The following WDHD1 variants were observed in gnomAD, a reference collection of about 807,000 sequenced individuals.
WDHD1 encodes the protein WD repeat and HMG-box DNA-binding protein 1.
In WDHD1, 111 loss-of-function variants were observed where a neutral mutation model predicts 135.4. The ratio of observed to expected loss-of-function variants is 0.82; its 90% CI spans 0.70 to 0.96. WDHD1 has a LOEUF of 0.96. Ranked by LOEUF, WDHD1 falls within the 40% of genes least tolerant of loss-of-function variation. The pLI is 0.00. For synonymous variants in WDHD1, 434 were observed against 439.0 expected (o/e 0.99, Z 0.14); for missense variants, 1,351 against 1,336.3 (o/e 1.01, Z -0.17).
At chr14:54,959,902 T>C (rs1158195036) in intron 21 of WDHD1, among the ~76,000 whole-genome samples, 2 of 152,214 alleles carry the variant, frequency 1.3e-5, no homozygotes, top group Admixed American at 6.5e-5. Flanking sequence ...TTGTCTCTCC[T>C]GGCAGAGTGC....
At chr14:54,956,982 G>A in intron 23 of WDHD1, 52 bp downstream of exon 23, 2 of 1,570,680 alleles carry the variant, frequency 1.3e-6, no homozygotes, top group Non-Finnish European at 1.7e-6. Flanking sequence ...CAAAACTGAA[G>A]ACAAACAGAT....
intron 2 of WDHD1, among the ~76,000 whole-genome samples, chr14:55,026,136 G>A (rs867256904): frequency 6.6e-6 from 1 of 152,116 alleles, no homozygotes; most frequent in South Asian, 2.1e-4. Flanking sequence ...GTAGTCCCCA[G>A]CAAAAGAGAC....
chr14:54,962,953 C>G lies in WDHD1; in HGVS notation c.2530G>C (p.Gly844Arg). 2 of 1,613,796 alleles carry G rather than the reference C, an allele frequency of 1.2e-6. No individual in the cohort carries two copies. Among genetic ancestry groups the G allele is most frequent in the Non-Finnish European group, 1.7e-6 (2 of 1,179,994 alleles). ...TCAAACAACTAAATTATTTCTTACC[C>G]AGCATTCAGCTTTTTTCTGAAATCT... Reference protein sequence around the residue: ...EEDFRKKLNAGYSNTATEWSQ... With the variant: ...EEDFRKKLNARYSNTATEWSQ... Residue 844 changes from glycine (G) to arginine (R), a missense_variant and splice_region_variant, in exon 19 of 26, where the codon GGT becomes CGT. By Grantham distance (125) the Gly-to-Arg change is moderately radical. Around this residue, in one of 2 missense-constraint regions of WDHD1, gnomAD observed 1,330 missense variants for 1,296.1 expected, o/e 1.03. Coordinates refer to ENST00000360586, the MANE Select transcript of WDHD1 (RefSeq NM_007086.4).
rs569285582 is a variant in WDHD1, at chr14:54,978,392, G to A, written c.2063+3148C>T. ...GAGGCCAGGAATTAGAGGTCAATCT[G>A]GGCAAGATGGTGAGACCCCATCTTT... On this transcript the variant is annotated intron_variant, in intron 16 of 25. Coordinates refer to ENST00000360586, the MANE Select transcript of WDHD1 (RefSeq NM_007086.4). Among the ~76,000 whole-genome samples the A allele has an allele frequency of 6.6e-5, 10 of 152,162 alleles. No individual in the cohort carries two copies. The South Asian group carries it at 2.1e-3, about 32-fold the overall frequency.
In WDHD1 at chr14:54,981,550, G is replaced by T. The variant is rs1365713757; in HGVS notation, c.2053C>A (p.Gln685Lys). The T allele has an allele frequency of 1.2e-6, 2 of 1,610,238 alleles. No homozygotes were observed. The highest frequency in any genetic ancestry group is 1.7e-4 in the Middle Eastern group (1 of 6,058). The change falls in exon 16 of 26, where the codon CAG becomes AAG. Residue 685 changes from glutamine to lysine, a missense_variant. Transcript: ENST00000360586. Reference sequence around the variant, plus strand: ...CTTTTAATAGCCCACCTTAGTTGCTGGGGATTTTCATGGATACCAACCACC... The same window carrying T: ...CTTTTAATAGCCCACCTTAGTTGCTTGGGATTTTCATGGATACCAACCACC... ...YWVVGIHENPQQLRCIPCKGS... is the reference protein window; with the variant it reads ...YWVVGIHENPKQLRCIPCKGS...
At chr14:54,949,142 G>A (rs1316489193) in intron 24 of WDHD1, among the ~76,000 whole-genome samples, 1 of 152,226 alleles carries the variant, frequency 6.6e-6, no homozygotes, top group African/African-American at 2.4e-5. Context: ...ACGGAACAAA[G>A]CTGGACGGAG....
chr14:54,948,927 T>G lies in WDHD1; in HGVS notation c.3051-4457A>C, dbSNP rs576349571. On this transcript the variant is annotated intron_variant, in intron 24 of 25. Transcript: ENST00000360586. ...GGCCTCCAGCAAACTCCAACAGACC[T>G]GCAGCTGAGGGTCCTGACTGTTAGA... Among the ~76,000 whole-genome samples the G allele has an allele frequency of 9.3e-4, 141 of 152,292 alleles. 1 individual carries two copies. The highest frequency in any genetic ancestry group is 3.2e-3 in the African/African-American group (134 of 41,558).
At chr14:54,954,320 T>G (rs923390507) in intron 24 of WDHD1, among the ~76,000 whole-genome samples, 1 of 151,860 alleles carries the variant, frequency 6.6e-6, no homozygotes, top group African/African-American at 2.4e-5. Flanking sequence ...AAATCCAGCA[T>G]AGTAGAGATC....
rs555648712 is a variant in WDHD1 at position 54,987,018 on chromosome 14, T to G, written c.1768+128A>C. On this transcript the variant is annotated intron_variant, in intron 14 of 25. Transcript: ENST00000360586. The stretch of plus-strand genomic sequence containing the variant: ...TGCTAGTGAACACAACAAAATTATC[T>G]ACATTTAAAGATTACACGGATTCAA... 54 of 1,106,432 alleles carry G rather than the reference T, an allele frequency of 4.9e-5. No homozygotes were observed. The African/African-American group carries it at 8.1e-4, about 17-fold the overall frequency. The allele number at this position is 1,106,432 out of a possible 1,614,324, so 68.5% of individuals were successfully genotyped here. A position where few individuals can be genotyped will look rare whatever the true frequency, so the allele number is the denominator to read the frequency against.
At chr14:54,957,293 G>A in intron 22 of WDHD1, 89 bp from the exon 23 acceptor site, 1 of 1,384,628 alleles carries the variant, frequency 7.2e-7, no homozygotes, top group Middle Eastern at 2.0e-4. Flanking sequence ...TTTCTGTTAA[G>A]TTTGTATTGC....
intron 7 of WDHD1, among the ~76,000 whole-genome samples, chr14:55,006,285 T>G (rs1230264498): frequency 2.0e-5 from 3 of 152,248 alleles, no homozygotes; most frequent in Non-Finnish European, 4.4e-5. Context: ...AAGTCTTCTT[T>G]TACTTCTCTT....
chr14:55,026,915 T>C, intron 1 of WDHD1, 112 bp from the exon 2 acceptor site: 1 of 985,638 alleles, frequency 1.0e-6, no homozygotes, highest in African/African-American at 1.6e-5. Flanking sequence ...GCAGCCCGGT[T>C]TCCCCCACCC....
At position 54,962,734 on chromosome 14, in the gene WDHD1, T is replaced by G. The variant is rs1429213656; in HGVS notation, c.2647+4A>C. On this transcript the variant is annotated splice_donor_region_variant and intron_variant, in intron 20 of 25. Coordinates refer to ENST00000360586, the MANE Select transcript of WDHD1 (RefSeq NM_007086.4). ...TGATTTATGGGCTTGAAAATGTATC[T>G]CACCAGGCTTATGTATTTCTGGTTT... The G allele has an allele frequency of 1.2e-6, 2 of 1,613,248 alleles. No homozygotes were observed. Among genetic ancestry groups the G allele is most frequent in the East Asian group, 4.5e-5 (2 of 44,870 alleles).
intron 7 of WDHD1, among the ~76,000 whole-genome samples, chr14:55,006,178 T>G (rs1038300055): frequency 2.0e-5 from 3 of 152,164 alleles, no homozygotes; most frequent in African/African-American, 4.8e-5. Context: ...GTTTTATATG[T>G]GAATGTTATC....
rs1023209441 is a variant in WDHD1 at position 54,970,446 on chromosome 14, T to G, written c.2064-3052A>C. On this transcript the variant is annotated intron_variant, in intron 16 of 25. Coordinates refer to ENST00000360586, the MANE Select transcript of WDHD1 (RefSeq NM_007086.4). ...TGTACATAAAATACCTAGGAATATA[T>G]CTAACCAAGGAGGTGAAAGATCTCT... Among the ~76,000 whole-genome samples, 5 of 151,846 alleles carry G rather than the reference T, an allele frequency of 3.3e-5. 1 individual carries two copies. The highest frequency in any genetic ancestry group is 3.9e-4 in the East Asian group (2 of 5,194).
intron 16 of WDHD1, among the ~76,000 whole-genome samples, chr14:54,977,035 C>A (rs569280532): frequency 1.3e-5 from 2 of 152,048 alleles, no homozygotes; most frequent in South Asian, 4.1e-4. Context: ...TTTCAATCTA[C>A]TTATCAGCTA....
chr14:55,021,548 C>T (rs2140233626), intron 2 of WDHD1, among the ~76,000 whole-genome samples: 1 of 152,184 alleles, frequency 6.6e-6, no homozygotes, highest in East Asian at 1.9e-4. Context: ...CATACCCAGC[C>T]AATTTTTTAT....
intron 13 of WDHD1, among the ~76,000 whole-genome samples, chr14:54,988,632 A>C (rs548810322): frequency 6.6e-6 from 1 of 152,178 alleles, no homozygotes; most frequent in Admixed American, 6.5e-5. Context: ...AATAGCAGTT[A>C]TATCTGAGAG....
Position 54,983,481 on chromosome 14 carries a change from T to A in WDHD1, c.1906+1242A>T, listed in dbSNP as rs548193353. Among the ~76,000 whole-genome samples, 3 of 151,908 alleles carry A rather than the reference T, an allele frequency of 2.0e-5. No individual in the cohort carries two copies. The East Asian group carries it at 5.9e-4, about 30-fold the overall frequency. On this transcript the variant is annotated intron_variant, in intron 15 of 25. Coordinates refer to ENST00000360586, the MANE Select transcript of WDHD1 (RefSeq NM_007086.4). ...TGAGGTCAGGAGTTCAAGACCAGCC[T>A]GGCCAGCATGGTAAAACCCTGTCTC... is the stretch of plus-strand genomic sequence containing the variant.
Sources: allele counts gnomAD v4.1 joint callset (sites outside exome capture counted in the v4.1 genomes callset), GRCh38; gene constraint gnomAD v4.1.1; regional missense constraint gnomAD v4.1.1; transcripts MANE v1.5; gene names NCBI Gene and HGNC (gene_info 2026-07-23, HGNC 2026-07-21).